The following PLCG2 variants were observed in gnomAD, a reference collection of about 807,000 sequenced individuals.
The protein encoded by PLCG2 is phospholipase C gamma 2.
PLCG2 carries 69 observed loss-of-function variants against 175.6 expected under a neutral mutation model. The ratio of observed to expected loss-of-function variants is 0.39; its 90% CI spans 0.32 to 0.48. The LOEUF is 0.48. Among genes scored for constraint, PLCG2 ranks in the 20% least tolerant of loss-of-function variants. The probability of loss-of-function intolerance (pLI) is 0.91; values close to 1 mark genes in which losing one functional copy is unlikely to be tolerated. For synonymous variants in PLCG2, 827 were observed against 624.0 expected (o/e 1.33, Z -4.85); for missense variants, 1,798 against 1,650.9 (o/e 1.09, Z -1.54).
chr16:81,845,571 T>A (rs1906071483), intron 2 of PLCG2, among the ~76,000 whole-genome samples: 1 of 152,210 alleles, frequency 6.6e-6, no homozygotes, highest in Non-Finnish European at 1.5e-5. Flanking sequence ...CTGCTCCTCA[T>A]GACTTGGATA....
intron 2 of PLCG2, among the ~76,000 whole-genome samples, chr16:81,801,070 C>T (rs371129559): frequency 1.3e-5 from 2 of 152,206 alleles, no homozygotes; most frequent in African/African-American, 4.8e-5. Context: ...TGATTTTAGC[C>T]CCATGAGACT....
At position 81,931,660 on chromosome 16, in the gene PLCG2, C is replaced by G. The variant is rs778819782; in HGVS notation, c.2739+6C>G. ...CCTGGAAGATTGACACCAAGGTAGGCACCTGCTCACCCGGGTGCAGGTGGG... is the reference window on the plus strand; with the variant it reads ...CCTGGAAGATTGACACCAAGGTAGGGACCTGCTCACCCGGGTGCAGGTGGG... On this transcript the variant is annotated splice_donor_region_variant and intron_variant, in intron 25 of 32. Coordinates refer to ENST00000564138, the MANE Select transcript of PLCG2 (RefSeq NM_002661.5). 13 of 1,612,396 alleles carry G rather than the reference C, an allele frequency of 8.1e-6. No homozygotes were observed. In the South Asian group the frequency reaches 1.4e-4, roughly 18 times the overall value.
chr16:81,769,940 C>G (rs961946175), intron 2 of PLCG2, among the ~76,000 whole-genome samples: 1 of 150,870 alleles, frequency 6.6e-6, no homozygotes, highest in Non-Finnish European at 1.5e-5. Flanking sequence ...GTTTTCTTAT[C>G]TGTAAAGCTG....
At chr16:81,858,494 A>T (rs1193225742) in intron 4 of PLCG2, 138 bp downstream of exon 4, 1 of 678,152 alleles carries the variant, frequency 1.5e-6, no homozygotes, top group Non-Finnish European at 2.7e-6. Flanking sequence ...CTTGTATGCA[A>T]TGGGTGCCTA....
At chr16:81,867,649 C>T (rs1597363343) in intron 5 of PLCG2, among the ~76,000 whole-genome samples, 1 of 152,132 alleles carries the variant, frequency 6.6e-6, no homozygotes, top group East Asian at 1.9e-4. Context: ...ATTGTTACTG[C>T]TGCTGCTGCT....
chr16:81,796,233 C>G (rs1374974587), intron 2 of PLCG2, among the ~76,000 whole-genome samples: 3 of 152,354 alleles, frequency 2.0e-5, no homozygotes, highest in East Asian at 3.9e-4. Flanking sequence ...GTTTCTCTCA[C>G]AGATGTGGCC....
At chr16:81,953,485 G>A (rs1262756852) in intron 31 of PLCG2, among the ~76,000 whole-genome samples, 1 of 151,994 alleles carries the variant, frequency 6.6e-6, no homozygotes, top group Non-Finnish European at 1.5e-5. Context: ...TTATTTTTTT[G>A]TGTATTTTTC....
chr16:81,924,786 G>A (rs12596830), intron 22 of PLCG2, among the ~76,000 whole-genome samples: 3 of 152,336 alleles, frequency 2.0e-5, no homozygotes, highest in African/African-American at 7.2e-5. Context: ...TGGCCTCCTT[G>A]CTGACATTGC....
At chr16:81,807,769 C>T (rs1398503834) in intron 2 of PLCG2, among the ~76,000 whole-genome samples, 3 of 152,094 alleles carry the variant, frequency 2.0e-5, no homozygotes, top group African/African-American at 7.2e-5. Flanking sequence ...GCTGGAGGGG[C>T]CCCAGGAAGC....
chr16:81,887,615 C>G (rs897227620), intron 9 of PLCG2, among the ~76,000 whole-genome samples: 11 of 152,218 alleles, frequency 7.2e-5, no homozygotes, highest in Non-Finnish European at 1.6e-4. Context: ...CTGCTGGTCA[C>G]CACCTGATTT....
chr16:81,832,705 G>T (rs1332366424), intron 2 of PLCG2, among the ~76,000 whole-genome samples: 1 of 152,198 alleles, frequency 6.6e-6, no homozygotes, highest in Admixed American at 6.5e-5. Flanking sequence ...CGCCCAGGCA[G>T]AATCTACCAT....
At chr16:81,911,523 G>C (rs532321238) in intron 18 of PLCG2, among the ~76,000 whole-genome samples, 4 of 151,406 alleles carry the variant, frequency 2.6e-5, no homozygotes, top group Non-Finnish European at 5.9e-5. Flanking sequence ...CAGCAGCCTC[G>C]AGCTCCTGGG....
intron 7 of PLCG2, among the ~76,000 whole-genome samples, chr16:81,879,168 G>T (rs996760606): frequency 2.0e-5 from 3 of 152,150 alleles, no homozygotes; most frequent in African/African-American, 7.2e-5. Context: ...TGGTCAGTGA[G>T]GGGGGCCACA....
intron 21 of PLCG2, among the ~76,000 whole-genome samples, chr16:81,923,139 C>G (rs1910124450): frequency 6.6e-6 from 1 of 152,138 alleles, no homozygotes; most frequent in African/African-American, 2.4e-5. Flanking sequence ...GGAAATTGAG[C>G]AATATTGTGT....
At chr16:81,754,087 C>A (rs1909869651) in intron 1 of PLCG2, among the ~76,000 whole-genome samples, 1 of 152,066 alleles carries the variant, frequency 6.6e-6, no homozygotes, top group Admixed American at 6.5e-5. Flanking sequence ...GGACTTCGCT[C>A]CTTGGTAACT....
intron 1 of PLCG2, among the ~76,000 whole-genome samples, chr16:81,781,745 A>G (rs558794464): frequency 6.6e-6 from 1 of 152,280 alleles, no homozygotes; most frequent in East Asian, 1.9e-4. Context: ...ATTTTAACAC[A>G]ATTGTCTTGT....
chr16:81,822,190 A>C (rs979080497), intron 2 of PLCG2, among the ~76,000 whole-genome samples: 5 of 151,744 alleles, frequency 3.3e-5, no homozygotes, highest in African/African-American at 9.7e-5. Flanking sequence ...GGGGATTGAG[A>C]TTTGGCTTTC....
chr16:81,750,070 T>C (rs1225175496), intron 1 of PLCG2, among the ~76,000 whole-genome samples: 1 of 151,040 alleles, frequency 6.6e-6, no homozygotes, highest in East Asian at 1.9e-4. Context: ...TAAAAACACA[T>C]AGAGGTATCT....
Position 81,958,094 on chromosome 16 carries a change from CTG to C in PLCG2, c.*99_*100del, listed in dbSNP as rs1911648454. Reference sequence around the variant, plus strand: ...ATTCACACTCTGGGAAGACGCTAATCTGTGACATCTTTTCTTCAAGCCTGCCA... The same window carrying C: ...ATTCACACTCTGGGAAGACGCTAATCTGACATCTTTTCTTCAAGCCTGCCA... On this transcript the variant is annotated 3_prime_UTR_variant, in exon 33 of 33. Coordinates refer to ENST00000564138, the MANE Select transcript of PLCG2 (RefSeq NM_002661.5). The C allele has an allele frequency of 2.4e-6, 2 of 846,614 alleles. No homozygotes were observed. The highest frequency in any genetic ancestry group is 1.9e-5 in the Admixed American group (1 of 52,830). 52.4% of individuals were successfully genotyped at this position (846,614 alleles called of 1,614,324 possible). A position where few individuals can be genotyped will look rare whatever the true frequency, so the allele number is the denominator to read the frequency against.
Sources: allele counts gnomAD v4.1 joint callset (sites outside exome capture counted in the v4.1 genomes callset), GRCh38; gene constraint gnomAD v4.1.1; transcripts MANE v1.5; gene names NCBI Gene and HGNC (gene_info 2026-07-23, HGNC 2026-07-21).